Variants in HACD2 observed in about 807,000 individuals in gnomAD.
HACD2 encodes 3-hydroxyacyl-CoA dehydratase 2.
In HACD2, 15 loss-of-function variants were observed where a neutral mutation model predicts 31.0. That is an observed-to-expected ratio of 0.48 (90% CI 0.32 to 0.75). The LOEUF is 0.75. Ranked by LOEUF, HACD2 falls within the 30% of genes least tolerant of loss-of-function variation. The pLI, the probability that HACD2 is intolerant of heterozygous loss-of-function variation, is 0.03. For missense variants in HACD2, 283 were observed against 313.0 expected, an observed-to-expected ratio of 0.90 and a Z score of 0.72; for synonymous variants, 115 against 122.2, an observed-to-expected ratio of 0.94 and a Z score of 0.39.
rs547871229 is a variant in HACD2, at chr3:123,518,954, G to A, written c.381+9432C>T. Among the ~76,000 whole-genome samples, 201 of 142,976 alleles carry A rather than the reference G, an allele frequency of 1.4e-3. 1 individual carries two copies. The highest frequency in any genetic ancestry group is 1.9e-3 in the Non-Finnish European group (130 of 66,826). 93.8% of individuals were successfully genotyped at this position (142,976 alleles called of 152,430 possible). ...GGAGGTTGCAGTGGGCCGAGATCGC[G>A]TCACTGCACTCCAGCCTGGATGACA... On this transcript the variant is annotated intron_variant, in intron 4 of 6. Coordinates refer to ENST00000383657, the MANE Select transcript of HACD2 (RefSeq NM_198402.5).
chr3:123,543,341 A>G (rs1177376875), intron 3 of HACD2, among the ~76,000 whole-genome samples: 1 of 152,166 alleles, frequency 6.6e-6, no homozygotes, highest in East Asian at 1.9e-4. Context: ...GAAACCCTAC[A>G]CACTTTCACT....
chr3:123,574,520 A>T (rs1023611592), intron 2 of HACD2, among the ~76,000 whole-genome samples: 1 of 152,236 alleles, frequency 6.6e-6, no homozygotes, highest in East Asian at 1.9e-4. Flanking sequence ...CATTAAAAAA[A>T]TTAACAGGAT....
intron 2 of HACD2, among the ~76,000 whole-genome samples, 179 bp from the exon 3 acceptor site, chr3:123,567,959 C>A (rs945145329): frequency 2.0e-5 from 3 of 152,124 alleles, no homozygotes; most frequent in South Asian, 2.1e-4. Flanking sequence ...AATGTAAATT[C>A]TTGTTCAGTT....
Position 123,584,918 on chromosome 3 carries a change from A to C in HACD2, c.110T>G (p.Leu37Arg), listed in dbSNP as rs2057011965. Residue 37 changes from leucine (L) to arginine (R), a missense_variant, in exon 1 of 7, where the codon CTG (leucine) becomes CGG (arginine). Physicochemically the swap from Leu to Arg is moderately radical, Grantham distance 102. Coordinates refer to ENST00000383657, the MANE Select transcript of HACD2 (RefSeq NM_198402.5). ...GTRKKKGPGPLATAYLVIYNV... is the reference protein window; with the variant it reads ...GTRKKKGPGPRATAYLVIYNV... Reference sequence around the variant, plus strand: ...GTAGATGACCAGGTACGCCGTGGCCAGGGGCCCCGGGCCCTTCTTCTTCCG... The same window carrying C: ...GTAGATGACCAGGTACGCCGTGGCCCGGGGCCCCGGGCCCTTCTTCTTCCG... The C allele has an allele frequency of 6.5e-7, 1 of 1,527,190 alleles. No individual in the cohort carries two copies. The highest frequency in any genetic ancestry group is 8.8e-7 in the Non-Finnish European group (1 of 1,137,066). 94.6% of individuals were successfully genotyped at this position (1,527,190 alleles called of 1,614,324 possible). A position where few individuals can be genotyped will look rare whatever the true frequency, so the allele number is the denominator to read the frequency against.
chr3:123,540,082 TAAAAAAAAAA>T (rs570658977), intron 3 of HACD2, among the ~76,000 whole-genome samples: 8 of 119,564 alleles, frequency 6.7e-5, no homozygotes, highest in African/African-American at 2.5e-4. Flanking sequence ...AGACCCTGTC[TAAAAAAAAAA>T]AAAAAGAAAA....
chr3:123,494,687 C>T lies in HACD2; in HGVS notation c.*201G>A. 1.7e-6 allele frequency: 1 copy of T among 591,118 alleles called. No individual in the cohort carries two copies. 36.6% of individuals were successfully genotyped at this position (591,118 alleles called of 1,614,324 possible). A position where few individuals can be genotyped will look rare whatever the true frequency, so the allele number is the denominator to read the frequency against. Reference sequence around the variant, plus strand: ...GAAAGAGCATGCTGAAATGAACTGGCCAGGGTGTTTTATGTAACAACCTTT... The same window carrying T: ...GAAAGAGCATGCTGAAATGAACTGGTCAGGGTGTTTTATGTAACAACCTTT... On this transcript the variant is annotated 3_prime_UTR_variant, in exon 7 of 7. Transcript: ENST00000383657.
rs1209918922 is a variant in HACD2 at position 123,493,028 on chromosome 3, T to C, written c.*1860A>G. On this transcript the variant is annotated 3_prime_UTR_variant, in exon 7 of 7. Coordinates refer to ENST00000383657, the MANE Select transcript of HACD2 (RefSeq NM_198402.5). ...TTACACACCTGCCTGCATTAAATTT[T>C]CAAACTTCTATAAAAATAAGCACTT... is the stretch of plus-strand genomic sequence containing the variant. 1 of 152,250 alleles carries C rather than the reference T, an allele frequency of 6.6e-6. No individual in the cohort carries two copies. Among genetic ancestry groups the C allele is most frequent in the Admixed American group, 6.5e-5 (1 of 15,284 alleles). The allele number at this position is 152,250 out of a possible 1,614,324, so 9.4% of individuals were successfully genotyped here.
chr3:123,560,889 T>A (rs1402373114), intron 3 of HACD2, among the ~76,000 whole-genome samples: 1 of 152,120 alleles, frequency 6.6e-6, no homozygotes, highest in Non-Finnish European at 1.5e-5. Flanking sequence ...TGGGCACAGG[T>A]GTGAAAGCAG....
intron 3 of HACD2, among the ~76,000 whole-genome samples, chr3:123,542,811 T>G (rs965138484): frequency 6.6e-6 from 1 of 152,226 alleles, no homozygotes; most frequent in Non-Finnish European, 1.5e-5. Context: ...TAAAGATCAC[T>G]GGGGTCCTTT....
intron 4 of HACD2, among the ~76,000 whole-genome samples, chr3:123,504,895 A>C (rs985718079): frequency 9.2e-6 from 1 of 109,038 alleles, no homozygotes; most frequent in African/African-American, 3.4e-5. Context: ...ACAAATGCAT[A>C]ACTTAAAACC....
intron 2 of HACD2, among the ~76,000 whole-genome samples, chr3:123,571,240 A>G (rs1164073488): frequency 6.6e-6 from 1 of 152,250 alleles, no homozygotes; most frequent in African/African-American, 2.4e-5. Context: ...TGATGGTGGT[A>G]GGGCAGCATT....
chr3:123,549,260 G>T (rs1174904345), intron 3 of HACD2, among the ~76,000 whole-genome samples: 1 of 151,930 alleles, frequency 6.6e-6, no homozygotes, highest in African/African-American at 2.4e-5. Context: ...GTGCTAATCT[G>T]CCATTATTTA....
chr3:123,494,986 A>T lies in HACD2; in HGVS notation c.683-16T>A, dbSNP rs759960473. The T allele has an allele frequency of 3.5e-5, 53 of 1,503,882 alleles. No individual in the cohort carries two copies. Among genetic ancestry groups the T allele is most frequent in the Non-Finnish European group, 4.3e-5 (48 of 1,104,578 alleles). 93.2% of individuals were successfully genotyped at this position (1,503,882 alleles called of 1,614,324 possible). A position where few individuals can be genotyped will look rare whatever the true frequency, so the allele number is the denominator to read the frequency against. On this transcript the variant is annotated splice_polypyrimidine_tract_variant and intron_variant, in intron 6 of 6. Transcript: ENST00000383657. ...TGGGGAAAAACTGAAAAGAAAAGAAAAATTGGTTAAGAGGATGGTTTAAAA... is the reference window on the plus strand; with the variant it reads ...TGGGGAAAAACTGAAAAGAAAAGAATAATTGGTTAAGAGGATGGTTTAAAA...
intron 6 of HACD2, among the ~76,000 whole-genome samples, chr3:123,496,343 G>A (rs1344168719): frequency 1.3e-5 from 2 of 152,104 alleles, no homozygotes; most frequent in African/African-American, 4.8e-5. Context: ...TTTTTATACT[G>A]TCACGAATAT....
At chr3:123,537,117 T>C (rs918814728) in intron 3 of HACD2, among the ~76,000 whole-genome samples, 1 of 152,158 alleles carries the variant, frequency 6.6e-6, no homozygotes, top group African/African-American at 2.4e-5. Flanking sequence ...AATAATAAAT[T>C]AATAACAATT....
intron 3 of HACD2, among the ~76,000 whole-genome samples, chr3:123,544,133 G>A (rs970953767): frequency 2.6e-5 from 4 of 152,168 alleles, no homozygotes; most frequent in Admixed American, 2.6e-4. Flanking sequence ...CAGTGGTGGC[G>A]TTCCCCGAGT....
intron 4 of HACD2, among the ~76,000 whole-genome samples, chr3:123,508,643 C>T (rs2056009412): frequency 6.6e-6 from 1 of 152,192 alleles, no homozygotes; most frequent in Non-Finnish European, 1.5e-5. Flanking sequence ...AGCTTTACAG[C>T]AAGCATTCTT....
At chr3:123,504,686 TCTGTTCCCAGAGCCCAG>T (rs2055950475) in intron 4 of HACD2, among the ~76,000 whole-genome samples, 2 of 152,160 alleles carry the variant, frequency 1.3e-5, no homozygotes, top group African/African-American at 2.4e-5. Context: ...ATGAAAGCAG[TCTGTTCCCAGAGCCCAG>T]CTGTGAAGAC....
At chr3:123,575,361 C>T (rs1202610831) in intron 2 of HACD2, among the ~76,000 whole-genome samples, 1 of 152,174 alleles carries the variant, frequency 6.6e-6, no homozygotes, top group Non-Finnish European at 1.5e-5. Flanking sequence ...AAGCGATCCT[C>T]CCACCTTGGC....
Sources: gnomAD v4.1 joint callset for allele counts (sites outside exome capture counted in the v4.1 genomes callset) on GRCh38, gnomAD v4.1.1 for gene constraint, MANE v1.5 for transcripts, NCBI Gene and HGNC (gene_info 2026-07-23, HGNC 2026-07-21) for gene names.